The following DYNC1LI1 variants were observed in gnomAD, a reference collection of about 807,000 sequenced individuals.
DYNC1LI1 encodes the protein cytoplasmic dynein 1 light intermediate chain 1.
Under a neutral mutation model 63.8 loss-of-function variants are expected in DYNC1LI1, and 19 were observed. The observed-to-expected ratio is 0.30, with a 90% CI of 0.21 to 0.44. The LOEUF is 0.44. Among genes scored for constraint, DYNC1LI1 ranks in the 20% least tolerant of loss-of-function variants. DYNC1LI1 has a pLI of 1.00. For synonymous variants in DYNC1LI1, 225 were observed against 232.3 expected (o/e 0.97, Z 0.28); for missense variants, 565 against 630.2 (o/e 0.90, Z 1.11).
intron 12 of DYNC1LI1, 61 bp downstream of exon 12, chr3:32,528,385 C>G: frequency 6.3e-7 from 1 of 1,584,270 alleles, no homozygotes; most frequent in South Asian, 1.1e-5. Flanking sequence ...CATGAGTGAA[C>G]TTCATTATAT....
chr3:32,549,582 GAAC>G (rs1419584599), intron 2 of DYNC1LI1, among the ~76,000 whole-genome samples: 1 of 151,844 alleles, frequency 6.6e-6, no homozygotes. Flanking sequence ...GAAGCTTACT[GAAC>G]AACACAATAT....
Position 32,570,833 on chromosome 3 carries a change from G to A in DYNC1LI1, c.-63C>T, listed in dbSNP as rs553844865. The stretch of plus-strand genomic sequence containing the variant: ...TGTGCGAGGCGGCTGAGGCGGTGGC[G>A]GTGGAGGCGGCGGGAACCCGGATAT... On this transcript the variant is annotated 5_prime_UTR_variant, in exon 1 of 13. Coordinates refer to ENST00000273130, the MANE Select transcript of DYNC1LI1 (RefSeq NM_016141.4). The A allele has an allele frequency of 5.2e-6, 8 of 1,545,122 alleles. No individual in the cohort carries two copies. The highest frequency in any genetic ancestry group is 4.2e-5 in the African/African-American group (3 of 72,036).
chr3:32,529,707 T>G (rs1163619836), intron 10 of DYNC1LI1, 47 bp from the exon 11 acceptor site: 10 of 1,503,134 alleles, frequency 6.7e-6, no homozygotes, highest in Non-Finnish European at 9.0e-6. Flanking sequence ...GAAACTTTCA[T>G]TTTCACAAAA....
chr3:32,533,565 CCTTT>C (rs1486670362), intron 7 of DYNC1LI1, among the ~76,000 whole-genome samples: 4 of 142,276 alleles, frequency 2.8e-5, no homozygotes, highest in South Asian at 2.2e-4. Flanking sequence ...TATACGGTTA[CCTTT>C]TTTTTTTTTT....
chr3:32,536,926 G>A (rs1697781977), intron 6 of DYNC1LI1, 85 bp downstream of exon 6: 2 of 718,758 alleles, frequency 2.8e-6, no homozygotes, highest in Non-Finnish European at 4.7e-6. Flanking sequence ...AATTTCTCAA[G>A]TCCATCAATT....
At chr3:32,552,231 T>A (rs184702496) in intron 2 of DYNC1LI1, among the ~76,000 whole-genome samples, 1 of 152,310 alleles carries the variant, frequency 6.6e-6, no homozygotes, top group African/African-American at 2.4e-5. Context: ...TAGGCCTCCC[T>A]GACCACCTCA....
intron 8 of DYNC1LI1, 29 bp downstream of exon 8, chr3:32,532,957 A>G (rs1697722244): frequency 1.9e-6 from 3 of 1,551,390 alleles, no homozygotes; most frequent in African/African-American, 2.8e-5. Context: ...TAAAGTCTAA[A>G]TATTGAGATT....
In DYNC1LI1 at chr3:32,569,065, C is replaced by G. The variant is rs141778448; in HGVS notation, c.220+1281G>C. On this transcript the variant is annotated intron_variant, in intron 2 of 12. Coordinates refer to ENST00000273130, the MANE Select transcript of DYNC1LI1 (RefSeq NM_016141.4). Reference sequence around the variant, plus strand: ...AAAGTATCACTTGCAAATATTACCACGATACAAACATTAACTCATTTGATT... The same window carrying G: ...AAAGTATCACTTGCAAATATTACCAGGATACAAACATTAACTCATTTGATT... Among the ~76,000 whole-genome samples the G allele has an allele frequency of 4.7e-3, 713 of 152,146 alleles. 8 individuals carry two copies. The highest frequency in any genetic ancestry group is 0.016 in the African/African-American group (677 of 41,496).
At position 32,570,437 on chromosome 3, in the gene DYNC1LI1, G is replaced by C. The variant is rs747206236; in HGVS notation, c.147-18C>G. The stretch of plus-strand genomic sequence containing the variant: ...TGCAGGACCTAACGGGAAGCAAGGC[G>C]TACGGTGAGGCCGGAGGCCGGAGCC... On this transcript the variant is annotated intron_variant, in intron 1 of 12. Transcript: ENST00000273130. 6.3e-7 allele frequency: 1 copy of C among 1,583,494 alleles called. No individual in the cohort carries two copies. The highest frequency in any genetic ancestry group is 8.6e-7 in the Non-Finnish European group (1 of 1,166,754).
At position 32,541,055 on chromosome 3, in the gene DYNC1LI1, T is replaced by C. The variant is rs1054275960; in HGVS notation, c.720A>G (p.Val240=). 9 of 1,611,266 alleles carry C rather than the reference T, an allele frequency of 5.6e-6. No homozygotes were observed. Among genetic ancestry groups the C allele is most frequent in the Non-Finnish European group, 7.6e-6 (9 of 1,178,768 alleles). The part of the protein sequence containing the change: ...DTLTHNLGIP[V]LVVCTKCDAI... The stretch of plus-strand genomic sequence containing the variant: ...AACTAACCTTTGTGCAAACTACTAG[T>C]ACTGGAATGCCCAAGTTATGTGTAA... The change falls in exon 5 of 13, where the codon GTA becomes GTG. Residue 240 remains valine, a synonymous_variant. Transcript: ENST00000273130.
At chr3:32,534,285 T>C (rs1697744745) in intron 7 of DYNC1LI1, among the ~76,000 whole-genome samples, 2 of 152,286 alleles carry the variant, frequency 1.3e-5, no homozygotes, top group Admixed American at 1.3e-4. Context: ...AGTAGACAGT[T>C]TAGCTCAAAA....
chr3:32,550,453 A>G (rs1162839356), intron 2 of DYNC1LI1, among the ~76,000 whole-genome samples: 1 of 152,186 alleles, frequency 6.6e-6, no homozygotes, highest in Non-Finnish European at 1.5e-5. Context: ...ACAAAAAAAC[A>G]AAACTGTCAA....
chr3:32,564,380 C>G (rs1283248208), intron 2 of DYNC1LI1, among the ~76,000 whole-genome samples: 2 of 152,180 alleles, frequency 1.3e-5, no homozygotes. Flanking sequence ...AGGCCACAGG[C>G]CAAAACTGGC....
intron 2 of DYNC1LI1, among the ~76,000 whole-genome samples, chr3:32,556,094 A>G (rs1306687184): frequency 1.3e-5 from 2 of 152,158 alleles, no homozygotes; most frequent in African/African-American, 4.8e-5. Context: ...CTCTAGACAC[A>G]CAATTTCTTT....
At chr3:32,569,971 C>T (rs1698320575) in intron 2 of DYNC1LI1, among the ~76,000 whole-genome samples, 1 of 152,250 alleles carries the variant, frequency 6.6e-6, no homozygotes, top group Admixed American at 6.5e-5. Context: ...ATTTGCGCTG[C>T]AGCTCTCGCA....
chr3:32,554,033 CAA>C (rs1169545964), intron 2 of DYNC1LI1, among the ~76,000 whole-genome samples: 1 of 152,150 alleles, frequency 6.6e-6, no homozygotes, highest in East Asian at 1.9e-4. Flanking sequence ...ACAACAACAA[CAA>C]AAAGACTGTT....
rs1371266762 is a variant in DYNC1LI1, at chr3:32,526,275, G to C, written c.*524C>G. ...ATGACTAGTGTATCAAACGCTATCT[G>C]ATAGTTTTCTTAGCATATTCCGTGT... On this transcript the variant is annotated 3_prime_UTR_variant, in exon 13 of 13. Coordinates refer to ENST00000273130, the MANE Select transcript of DYNC1LI1 (RefSeq NM_016141.4). The C allele has an allele frequency of 1.3e-5, 2 of 152,886 alleles. No homozygotes were observed. Among genetic ancestry groups the C allele is most frequent in the Admixed American group, 6.5e-5 (1 of 15,316 alleles). 9.5% of individuals were successfully genotyped at this position (152,886 alleles called of 1,614,324 possible). A position where few individuals can be genotyped will look rare whatever the true frequency, so the allele number is the denominator to read the frequency against.
At chr3:32,562,018 T>G (rs979650962) in intron 2 of DYNC1LI1, among the ~76,000 whole-genome samples, 2 of 152,178 alleles carry the variant, frequency 1.3e-5, no homozygotes, top group Admixed American at 1.3e-4. Flanking sequence ...CTCATACCTA[T>G]AACCCTAGCA....
chr3:32,561,960 A>C (rs1698200850), intron 2 of DYNC1LI1, among the ~76,000 whole-genome samples: 1 of 152,216 alleles, frequency 6.6e-6, no homozygotes. Context: ...TTTAAGAAAA[A>C]AATATTCACA....
Sources: gnomAD v4.1 joint callset for allele counts (sites outside exome capture counted in the v4.1 genomes callset) on GRCh38, gnomAD v4.1.1 for gene constraint, MANE v1.5 for transcripts, NCBI Gene and HGNC (gene_info 2026-07-23, HGNC 2026-07-21) for gene names.